MERTK: variants seen among roughly 807,000 people sequenced by gnomAD.
MERTK encodes the protein MER proto-oncogene, tyrosine kinase.
In MERTK, 69 loss-of-function variants were observed where a neutral mutation model predicts 99.3. The ratio of observed to expected loss-of-function variants is 0.70; its 90% CI spans 0.57 to 0.85. MERTK has a LOEUF of 0.85. Among genes scored for constraint, MERTK ranks in the 40% least tolerant of loss-of-function variants. The pLI is 0.00. For missense variants in MERTK, 1,125 were observed against 1,249.4 expected (o/e 0.90, Z 1.50); for synonymous variants, 426 against 467.6 (o/e 0.91, Z 1.15).
chr2:111,951,845 A>C (rs937612347), intron 4 of MERTK, among the ~76,000 whole-genome samples: 1 of 152,106 alleles, frequency 6.6e-6, no homozygotes, highest in Non-Finnish European at 1.5e-5. Flanking sequence ...TGTACTAATA[A>C]ATAGCATATT....
At chr2:111,945,147 T>G in intron 3 of MERTK, 87 bp downstream of exon 3, 1 of 1,051,010 alleles carries the variant, frequency 9.5e-7, no homozygotes, top group Admixed American at 1.9e-5. Flanking sequence ...ACTCTAGAGT[T>G]TTGCCTGCCT....
chr2:112,004,422 C>T (rs1254271196), intron 13 of MERTK, among the ~76,000 whole-genome samples: 1 of 152,064 alleles, frequency 6.6e-6, no homozygotes, highest in African/African-American at 2.4e-5. Context: ...TTGCATGGCC[C>T]TGAGGAAGCT....
At chr2:111,898,903 C>A in intron 1 of MERTK, 107 bp downstream of exon 1, 2 of 1,212,256 alleles carry the variant, frequency 1.6e-6, no homozygotes, top group Non-Finnish European at 2.3e-6. Context: ...GGCTGCTGGA[C>A]AAGTTTGCAA....
intron 4 of MERTK, among the ~76,000 whole-genome samples, chr2:111,948,701 C>G (rs1685003774): frequency 1.3e-5 from 2 of 152,168 alleles, no homozygotes; most frequent in African/African-American, 4.8e-5. Context: ...CTTTTCTCCA[C>G]CCTGCTGCCA....
chr2:111,964,043 C>CTTTTTTTTTTTTTTTTTTTTTTTT lies in MERTK; in HGVS notation c.758-1136_758-1135insTTTTTTTTTTTTTTTTTTTTTTTT, dbSNP rs56693776. ...GTTTCTCCACTCAAAAATTTTCTTT[C>CTTTTTTTTTTTTTTTTTTTTTTTT]TTTTTTTTTTTTGCTCTTTCCATAA... On this transcript the variant is annotated intron_variant, in intron 4 of 18. Transcript: ENST00000295408. 2.3e-4 allele frequency among the ~76,000 whole-genome samples: 24 copies of CTTTTTTTTTTTTTTTTTTTTTTTT among 103,848 alleles called. 2 individuals carry two copies. The highest frequency in any genetic ancestry group is 3.1e-4 in the Non-Finnish European group (16 of 51,278). 68.1% of individuals were successfully genotyped at this position (103,848 alleles called of 152,430 possible).
intron 8 of MERTK, among the ~76,000 whole-genome samples, chr2:111,986,496 C>A (rs1415032313): frequency 6.6e-6 from 1 of 152,240 alleles, no homozygotes; most frequent in Non-Finnish European, 1.5e-5. Context: ...AGCTGCAGGT[C>A]ATCCTTTCTC....
chr2:112,025,071 C>G (rs191535460), intron 18 of MERTK, among the ~76,000 whole-genome samples: 18 of 152,312 alleles, frequency 1.2e-4, no homozygotes, highest in Non-Finnish European at 2.5e-4. Flanking sequence ...AGAGCAGGTG[C>G]CCTGTGTTAG....
At chr2:111,988,298 G>A (rs543019723) in intron 8 of MERTK, among the ~76,000 whole-genome samples, 3 of 152,266 alleles carry the variant, frequency 2.0e-5, no homozygotes, top group Admixed American at 6.5e-5. Flanking sequence ...GAATAGGCAA[G>A]GTTCTCATGG....
intron 8 of MERTK, among the ~76,000 whole-genome samples, chr2:111,984,559 G>A (rs1676434345): frequency 6.6e-6 from 1 of 152,172 alleles, no homozygotes; most frequent in Non-Finnish European, 1.5e-5. Context: ...GTGAGATGAA[G>A]CTGGATTGAG....
chr2:111,967,827 A>T (rs951124051), intron 5 of MERTK, among the ~76,000 whole-genome samples: 1 of 152,168 alleles, frequency 6.6e-6, no homozygotes, highest in Non-Finnish European at 1.5e-5. Flanking sequence ...GGGTCCATGA[A>T]CATGTACTCA....
chr2:111,974,341 C>G (rs1676192582), intron 6 of MERTK, among the ~76,000 whole-genome samples: 1 of 151,032 alleles, frequency 6.6e-6, no homozygotes, highest in Non-Finnish European at 1.5e-5. Flanking sequence ...AGACGGAGGT[C>G]AAACCATTGC....
intron 12 of MERTK, chr2:112,003,431 T>C: frequency 2.7e-6 from 1 of 375,206 alleles, no homozygotes; most frequent in South Asian, 3.2e-5. Flanking sequence ...TTTTCTTTCT[T>C]CATTGAAAAG....
intron 1 of MERTK, among the ~76,000 whole-genome samples, chr2:111,924,548 C>T (rs1364912438): frequency 6.6e-6 from 1 of 152,120 alleles, no homozygotes; most frequent in Non-Finnish European, 1.5e-5. Flanking sequence ...CTGGAAGGTT[C>T]CCACTTCCTG....
chr2:111,956,640 A>G (rs1685153239), intron 4 of MERTK, among the ~76,000 whole-genome samples: 1 of 152,184 alleles, frequency 6.6e-6, no homozygotes, highest in African/African-American at 2.4e-5. Flanking sequence ...TCACATAGCA[A>G]GCTGTGATAA....
chr2:111,935,787 A>G (rs971069962), intron 2 of MERTK, among the ~76,000 whole-genome samples: 4 of 152,044 alleles, frequency 2.6e-5, no homozygotes, highest in Admixed American at 6.6e-5. Flanking sequence ...ACTCTGAGAA[A>G]AATTTTCCAA....
chr2:111,913,274 A>G (rs1684285818), intron 1 of MERTK, among the ~76,000 whole-genome samples: 1 of 152,190 alleles, frequency 6.6e-6, no homozygotes, highest in South Asian at 2.1e-4. Flanking sequence ...TGAACACAGT[A>G]TATCTCTCCA....
intron 2 of MERTK, among the ~76,000 whole-genome samples, chr2:111,941,821 T>C (rs1031631537): frequency 3.9e-5 from 6 of 152,250 alleles, no homozygotes; most frequent in African/African-American, 1.4e-4. Context: ...CTTGAATGAC[T>C]AAAGACAAAC....
chr2:111,927,640 G>A (rs1388547616), intron 1 of MERTK, among the ~76,000 whole-genome samples: 2 of 152,136 alleles, frequency 1.3e-5, no homozygotes, highest in African/African-American at 4.8e-5. Flanking sequence ...CTGCTCTCCA[G>A]CCTGGGTGAC....
chr2:111,915,293 G>A (rs1242618604), intron 1 of MERTK, among the ~76,000 whole-genome samples: 1 of 151,516 alleles, frequency 6.6e-6, no homozygotes, highest in Non-Finnish European at 1.5e-5. Context: ...GGTCTTGTTA[G>A]AGGTTTGTTA....
Sources: allele counts gnomAD v4.1 joint callset (sites outside exome capture counted in the v4.1 genomes callset), GRCh38; gene constraint gnomAD v4.1.1; transcripts MANE v1.5; gene names NCBI Gene and HGNC (gene_info 2026-07-23, HGNC 2026-07-21).